RIN3: variants seen among roughly 807,000 people sequenced by gnomAD.
RIN3 encodes the protein RAB5 interacting protein 3.
Under a neutral mutation model 76.3 loss-of-function variants are expected in RIN3, and 54 were observed. The ratio of observed to expected loss-of-function variants is 0.71; its 90% confidence interval spans 0.57 to 0.89. RIN3 has a LOEUF of 0.89. Among genes scored for constraint, RIN3 ranks in the 40% least tolerant of loss-of-function variants. RIN3 has a pLI of 0.00. For missense variants in RIN3, 1,256 were observed against 1,322.1 expected (o/e 0.95, Z 0.78); for synonymous variants, 576 against 564.0 (o/e 1.02, Z -0.30).
At chr14:92,576,916 G>C (rs553526256) in intron 2 of RIN3, among the ~76,000 whole-genome samples, 1 of 152,118 alleles carries the variant, frequency 6.6e-6, no homozygotes, top group East Asian at 1.9e-4. Flanking sequence ...CAGAGTGTAC[G>C]TGCTGGGGTG....
At chr14:92,549,215 G>T (rs1033623680) in intron 1 of RIN3, among the ~76,000 whole-genome samples, 1 of 152,150 alleles carries the variant, frequency 6.6e-6, no homozygotes, top group Non-Finnish European at 1.5e-5. Flanking sequence ...CTTGGGTCAG[G>T]TTGGTAGGTG....
At chr14:92,654,649 T>C (rs1184396253) in intron 6 of RIN3, among the ~76,000 whole-genome samples, 1 of 152,220 alleles carries the variant, frequency 6.6e-6, no homozygotes, top group Non-Finnish European at 1.5e-5. Flanking sequence ...ACAGGATTCA[T>C]GATGGCGTTT....
In RIN3 at chr14:92,514,309, C is replaced by A. The variant is rs1182244354; in HGVS notation, c.44+333C>A. ...GGGGCTGCCCGCGTGGACGCGGCCC[C>A]CTCCCTGGCGTCTGCCCCGCCTGAA... is the stretch of plus-strand genomic sequence containing the variant. On this transcript the variant is annotated intron_variant, in intron 1 of 9. Coordinates refer to ENST00000216487, the MANE Select transcript of RIN3 (RefSeq NM_024832.5). The surrounding 1 kb of genome is among the most constrained non-coding windows in gnomAD (Gnocchi z 7.2). Among the ~76,000 whole-genome samples the A allele has an allele frequency of 6.6e-6, 1 of 152,364 alleles. No homozygotes were observed. Among genetic ancestry groups the A allele is most frequent in the East Asian group, 1.9e-4 (1 of 5,174 alleles).
At chr14:92,603,361 C>T (rs1309166574) in intron 3 of RIN3, among the ~76,000 whole-genome samples, 1 of 152,206 alleles carries the variant, frequency 6.6e-6, no homozygotes, top group Non-Finnish European at 1.5e-5. Context: ...CACCCTTCAG[C>T]CCCCTGCCCA....
At chr14:92,539,913 C>G (rs1373546124) in intron 1 of RIN3, among the ~76,000 whole-genome samples, 1 of 152,122 alleles carries the variant, frequency 6.6e-6, no homozygotes, top group African/African-American at 2.4e-5. Context: ...GTGGGTCTGG[C>G]GTGGTGGGAG....
intron 4 of RIN3, among the ~76,000 whole-genome samples, chr14:92,629,861 C>A (rs1378136787): frequency 6.6e-6 from 1 of 152,262 alleles, no homozygotes; most frequent in Non-Finnish European, 1.5e-5. Context: ...AAAGTCCACA[C>A]TGTCTGCTCC....
chr14:92,676,566 C>T lies in RIN3; in HGVS notation c.2427C>T (p.Tyr809=), dbSNP rs144743944. 2.7e-5 allele frequency: 43 copies of T among 1,613,930 alleles called. No homozygotes were observed. The highest frequency in any genetic ancestry group is 6.7e-5 in the East Asian group (3 of 44,892). ...CGGAGATGCTTCTCAATGTGGAGTA[C>T]ATGATGGAGCTCATGGACCCCGCCC... The part of the protein sequence containing the change: ...NLTEMLLNVE[Y]MMELMDPALQ... The change falls in exon 8 of 10, where the codon TAC becomes TAT. Residue 809 remains tyrosine (Y), a synonymous_variant. Coordinates refer to ENST00000216487, the MANE Select transcript of RIN3 (RefSeq NM_024832.5).
rs1250706511 is a variant in RIN3, at chr14:92,661,752, C to A, written c.2335+2283C>A. ...ACACACACACACACACACACACACA[C>A]ACACACAAAAAATAGAATTGTGCTC... is the stretch of plus-strand genomic sequence containing the variant. On this transcript the variant is annotated intron_variant, in intron 7 of 9. Transcript: ENST00000216487. Among the ~76,000 whole-genome samples, 8 of 140,950 alleles carry A rather than the reference C, an allele frequency of 5.7e-5. No individual in the cohort carries two copies. The South Asian group carries it at 7.4e-4, about 13-fold the overall frequency. The allele number at this position is 140,950 out of a possible 152,430, so 92.5% of individuals were successfully genotyped here. A position where few individuals can be genotyped will look rare whatever the true frequency, so the allele number is the denominator to read the frequency against.
intron 7 of RIN3, among the ~76,000 whole-genome samples, chr14:92,665,798 A>T (rs1184799323): frequency 6.8e-6 from 1 of 147,746 alleles, no homozygotes; most frequent in Non-Finnish European, 1.5e-5. Context: ...TGATGATTAG[A>T]TTGAGGTTAT....
At chr14:92,622,941 C>T (rs181656347) in intron 4 of RIN3, among the ~76,000 whole-genome samples, 30 of 152,278 alleles carry the variant, frequency 2.0e-4, no homozygotes, top group Admixed American at 7.2e-4. Context: ...TGTTCGTTCA[C>T]GGGGAAGAAT....
At chr14:92,539,229 A>G (rs1469610225) in intron 1 of RIN3, among the ~76,000 whole-genome samples, 1 of 152,084 alleles carries the variant, frequency 6.6e-6, no homozygotes, top group Non-Finnish European at 1.5e-5. Context: ...TGTAATTATT[A>G]TTACGTTAAG....
chr14:92,577,251 T>C, intron 2 of RIN3, 109 bp from the exon 3 acceptor site: 1 of 704,350 alleles, frequency 1.4e-6, no homozygotes, highest in Non-Finnish European at 2.5e-6. Flanking sequence ...CTCCCTAGCC[T>C]GCCTCATCAT....
intron 5 of RIN3, among the ~76,000 whole-genome samples, chr14:92,649,335 G>C (rs929465275): frequency 1.3e-5 from 2 of 152,174 alleles, no homozygotes; most frequent in East Asian, 3.9e-4. Flanking sequence ...GTTACCCTGG[G>C]ATCAGTCTGG....
intron 5 of RIN3, among the ~76,000 whole-genome samples, chr14:92,645,581 T>G (rs531645490): frequency 6.6e-6 from 1 of 152,308 alleles, no homozygotes; most frequent in African/African-American, 2.4e-5. Context: ...GAAAGCAGAT[T>G]GGCGATTGCC....
intron 3 of RIN3, 88 bp from the exon 4 acceptor site, chr14:92,615,319 C>G: frequency 1.8e-6 from 2 of 1,088,106 alleles, no homozygotes; most frequent in Non-Finnish European, 2.8e-6. Flanking sequence ...AGCAGACACG[C>G]CCCCCGACCC....
Position 92,681,102 on chromosome 14 carries a change from C to A in RIN3, c.2468-3885C>A, listed in dbSNP as rs1040417550. On this transcript the variant is annotated intron_variant, in intron 8 of 9. Coordinates refer to ENST00000216487, the MANE Select transcript of RIN3 (RefSeq NM_024832.5). This position sits in a 1 kb window ranked among gnomAD's most constrained non-coding sequence, Gnocchi z 4.7. ...GGTCCCAAAAGTGCCCTCTTGGACC[C>A]CTTTGCCCATGTCCCTTCCCTAGTC... 5.3e-5 allele frequency among the ~76,000 whole-genome samples: 8 copies of A among 152,214 alleles called. No homozygotes were observed. The highest frequency in any genetic ancestry group is 2.9e-5 in the Non-Finnish European group (2 of 68,044).
chr14:92,613,537 A>C (rs1450771184), intron 3 of RIN3, among the ~76,000 whole-genome samples: 1 of 152,246 alleles, frequency 6.6e-6, no homozygotes, highest in Non-Finnish European at 1.5e-5. Flanking sequence ...AAATGAAGCT[A>C]ATTGAACACA....
At chr14:92,622,488 C>A (rs1020583680) in intron 4 of RIN3, among the ~76,000 whole-genome samples, 2 of 152,216 alleles carry the variant, frequency 1.3e-5, no homozygotes, top group Non-Finnish European at 2.9e-5. Context: ...AGCACTCAGG[C>A]AAAAGTTTTC....
chr14:92,639,373 G>A lies in RIN3; in HGVS notation c.441-1865G>A, dbSNP rs573763647. Among the ~76,000 whole-genome samples, 7 of 149,708 alleles carry A rather than the reference G, an allele frequency of 4.7e-5. No individual in the cohort carries two copies. The East Asian group carries it at 1.2e-3, about 25-fold the overall frequency. On this transcript the variant is annotated intron_variant, in intron 4 of 9. Transcript: ENST00000216487. ...AGCAAGGGAGGGTAGAACAGGTTGT[G>A]AAGAAAATAGTGGTGGCTGCCAGGT...
Sources: gnomAD v4.1 joint callset for allele counts (sites outside exome capture counted in the v4.1 genomes callset) on GRCh38, gnomAD v4.1.1 for gene constraint, Gnocchi (gnomAD v3.1) non-coding constraint, MANE v1.5 for transcripts, NCBI Gene and HGNC (gene_info 2026-07-23, HGNC 2026-07-21) for gene names.